TSPEAR: variants seen among roughly 807,000 people sequenced by gnomAD.
TSPEAR encodes thrombospondin-type laminin G domain and EAR repeat-containing protein.
In TSPEAR, 69 loss-of-function variants were observed where a neutral mutation model predicts 71.6. The ratio of observed to expected loss-of-function variants is 0.96; its 90% CI spans 0.79 to 1.18. The LOEUF is 1.18. TSPEAR is among the 50% of genes most tolerant of loss of function. The probability of loss-of-function intolerance (pLI) is 0.00; values close to 1 mark genes in which losing one functional copy is unlikely to be tolerated. For synonymous variants in TSPEAR, 402 were observed against 387.2 expected (o/e 1.04, Z -0.45); for missense variants, 971 against 894.9 (o/e 1.09, Z -1.09).
intron 1 of TSPEAR, chr21:44,627,851 C>A: frequency 6.2e-7 from 1 of 1,613,942 alleles, no homozygotes; most frequent in African/African-American, 1.3e-5. Flanking sequence ...TGCTGCAGAC[C>A]CTCCTCCTCT....
Position 44,649,169 on chromosome 21 carries a change from G to A in TSPEAR, c.82+62264C>T, listed in dbSNP as rs587613317. ...GACCGGGGGAGGGTGTCTGTAAGGC[G>A]AGGACATGGTTGGTGCATGCTCGTC... On this transcript the variant is annotated intron_variant, in intron 1 of 11. Transcript: ENST00000323084. Among the ~76,000 whole-genome samples the A allele has an allele frequency of 2.8e-4, 43 of 152,332 alleles. No individual in the cohort carries two copies. In the South Asian group the frequency reaches 7.5e-3, roughly 26 times the overall value.
chr21:44,638,487 C>G lies in TSPEAR; in HGVS notation c.83-70482G>C, dbSNP rs587708604. On this transcript the variant is annotated intron_variant, in intron 1 of 11. Transcript: ENST00000323084. ...TCCTGTCTGTGGACCCCCGGGGGGG[C>G]ACAGGGTGAGGTGGGAAGTGATGCC... The G allele has an allele frequency of 1.3e-3, 499 of 370,776 alleles. 7 individuals carry two copies. The highest frequency in any genetic ancestry group is 3.3e-3 in the Middle Eastern group (4 of 1,220). The allele number at this position is 370,776 out of a possible 1,614,324, so 23.0% of individuals were successfully genotyped here. A position where few individuals can be genotyped will look rare whatever the true frequency, so the allele number is the denominator to read the frequency against.
intron 9 of TSPEAR, chr21:44,517,638 A>C (rs782699206): frequency 3.0e-5 from 12 of 399,144 alleles, no homozygotes; most frequent in Non-Finnish European, 6.1e-5. Flanking sequence ...TCCTTGTCTG[A>C]CTTGATATGA....
chr21:44,518,516 T>G lies in TSPEAR; in HGVS notation c.1566+3367A>C, dbSNP rs115735266. 2,194 of 398,992 alleles carry G rather than the reference T, an allele frequency of 5.5e-3. 41 individuals are homozygous for G. The highest frequency in any genetic ancestry group is 0.042 in the African/African-American group (2,005 of 47,898). 24.7% of individuals were successfully genotyped at this position (398,992 alleles called of 1,614,324 possible). On this transcript the variant is annotated intron_variant, in intron 9 of 11. Transcript: ENST00000323084. ...GGATCCTTTCTCTTGTCACCTCACT[T>G]TGTGATTTAGAATGCAGGACCTCCA...
Position 44,528,572 on chromosome 21 carries a change from G to A in TSPEAR, c.802C>T (p.Arg268Ter), listed in dbSNP as rs782471965. 23 of 1,613,792 alleles carry A rather than the reference G, an allele frequency of 1.4e-5. No homozygotes were observed. The highest frequency in any genetic ancestry group is 1.6e-5 in the Non-Finnish European group (19 of 1,179,936). ...GGTGGCTGGGGTCCCAGCGTCACTC[G>A]AATGTTGGTTTCTGAGGGGAAGACC... ...VLKYPYETNIRVTLGPQPPCT... is the reference protein window; with the variant it reads ...VLKYPYETNI Residue 268 changes from arginine (R) to a stop codon, truncating the protein, a stop_gained, in exon 6 of 12, where the codon CGA (arginine) becomes TGA (stop). Coordinates refer to ENST00000323084, the MANE Select transcript of TSPEAR (RefSeq NM_144991.3). LOFTEE classifies it high-confidence loss of function.
intron 1 of TSPEAR, chr21:44,627,223 C>T (rs1982862102): frequency 6.2e-7 from 1 of 1,612,918 alleles, no homozygotes; most frequent in Admixed American, 1.7e-5. Flanking sequence ...CGACTCCTGG[C>T]AGGTGGACGA....
intron 1 of TSPEAR, among the ~76,000 whole-genome samples, chr21:44,609,881 A>T (rs1335157576): frequency 6.6e-6 from 1 of 152,206 alleles, no homozygotes; most frequent in Non-Finnish European, 1.5e-5. Flanking sequence ...GGAAGGGGGA[A>T]CTTTTCACGG....
rs201006587 is a variant in TSPEAR, at chr21:44,539,607, C to A, written c.304-5684G>T. On this transcript the variant is annotated intron_variant, in intron 2 of 11. Coordinates refer to ENST00000323084, the MANE Select transcript of TSPEAR (RefSeq NM_144991.3). ...TTGCAACGGACGGGCACGCAGCAGG[C>A]CTGCTGGCAGGGGGAGGAGGTGCAG... 9.7e-5 allele frequency: 157 copies of A among 1,612,792 alleles called. No individual in the cohort carries two copies. The African/African-American group carries it at 1.2e-3, about 13-fold the overall frequency.
intron 2 of TSPEAR, among the ~76,000 whole-genome samples, chr21:44,563,589 A>T (rs1381880788): frequency 2.0e-5 from 1 of 50,050 alleles, no homozygotes; most frequent in East Asian, 2.6e-4. Flanking sequence ...CAGTGGTGAC[A>T]AAAAAAACCC....
rs1555953303 is a variant in TSPEAR at position 44,710,142 on chromosome 21, G to T, written c.82+1291C>A. On this transcript the variant is annotated intron_variant, in intron 1 of 11. Coordinates refer to ENST00000323084, the MANE Select transcript of TSPEAR (RefSeq NM_144991.3). The surrounding 1 kb of genome is among the most constrained non-coding windows in gnomAD (Gnocchi z 4.6). ...GCCCCGGGGTCCTCGAGCAGGGGAG[G>T]GAGAAAGGCTGGCGCTGCGCCCTCC... is the stretch of plus-strand genomic sequence containing the variant. 6.6e-6 allele frequency among the ~76,000 whole-genome samples: 1 copy of T among 152,018 alleles called. No individual in the cohort carries two copies. The highest frequency in any genetic ancestry group is 1.5e-5 in the Non-Finnish European group (1 of 67,998).
chr21:44,675,284 T>C (rs1986256037), intron 1 of TSPEAR, among the ~76,000 whole-genome samples: 1 of 152,108 alleles, frequency 6.6e-6, no homozygotes, highest in Non-Finnish European at 1.5e-5. Context: ...CACAAATCAA[T>C]AAACATGATA....
At chr21:44,590,030 C>T (rs1979658326) in intron 1 of TSPEAR, among the ~76,000 whole-genome samples, 1 of 152,236 alleles carries the variant, frequency 6.6e-6, no homozygotes, top group Non-Finnish European at 1.5e-5. Flanking sequence ...TCAGTTTGGC[C>T]TCCGGCCCTG....
rs142037012 is a variant in TSPEAR, at chr21:44,568,852, C to T, written c.83-847G>A. On this transcript the variant is annotated intron_variant, in intron 1 of 11. Transcript: ENST00000323084. The stretch of plus-strand genomic sequence containing the variant: ...GTCTGGCAGTCTTGCTGAGGGGCCT[C>T]CTGCCTCAGCCTGGCATGAGGGTGT... Among the ~76,000 whole-genome samples the T allele has an allele frequency of 2.6e-3, 396 of 152,318 alleles. 3 individuals carry two copies. The highest frequency in any genetic ancestry group is 0.011 in the Admixed American group (170 of 15,310).
At chr21:44,589,972 C>A (rs973690140) in intron 1 of TSPEAR, among the ~76,000 whole-genome samples, 1 of 152,242 alleles carries the variant, frequency 6.6e-6, no homozygotes, top group Non-Finnish European at 1.5e-5. Flanking sequence ...CTCATTTGTC[C>A]CTTCATGGGG....
rs201787249 is a variant in TSPEAR, at chr21:44,660,155, T to C, written c.82+51278A>G. Among the ~76,000 whole-genome samples the C allele has an allele frequency of 3.9e-5, 6 of 152,284 alleles. No individual in the cohort carries two copies. The East Asian group carries it at 1.2e-3, about 29-fold the overall frequency. ...AACATCAAATCCTCATTTATGGATGTAATTGGAGTCCCTCAAAGAGAAGAA... is the reference window on the plus strand; with the variant it reads ...AACATCAAATCCTCATTTATGGATGCAATTGGAGTCCCTCAAAGAGAAGAA... On this transcript the variant is annotated intron_variant, in intron 1 of 11. Transcript: ENST00000323084.
At chr21:44,538,242 C>A (rs142385141) in intron 2 of TSPEAR, among the ~76,000 whole-genome samples, 1 of 152,148 alleles carries the variant, frequency 6.6e-6, no homozygotes, top group Non-Finnish European at 1.5e-5. Context: ...GAGCCCCATG[C>A]GCTGCCTGAT....
chr21:44,504,732 G>C, intron 11 of TSPEAR, 48 bp downstream of exon 11: 1 of 1,363,064 alleles, frequency 7.3e-7, no homozygotes, highest in South Asian at 1.2e-5. Flanking sequence ...TGAGCCCACA[G>C]TGGGGAAGCA....
In TSPEAR at chr21:44,519,024, TTTG is replaced by T. The variant is rs201744414; in HGVS notation, c.1566+2856_1566+2858del. The T allele has an allele frequency of 8.0e-3, 1,443 of 181,118 alleles. 13 individuals are homozygous for T. Among genetic ancestry groups the T allele is most frequent in the Non-Finnish European group, 1.0e-2 (850 of 85,340 alleles). 11.2% of individuals were successfully genotyped at this position (181,118 alleles called of 1,614,324 possible). A position where few individuals can be genotyped will look rare whatever the true frequency, so the allele number is the denominator to read the frequency against. On this transcript the variant is annotated intron_variant, in intron 9 of 11. Coordinates refer to ENST00000323084, the MANE Select transcript of TSPEAR (RefSeq NM_144991.3). ...TTGCTGCTCGATGTCACCATTTGCTTTTGTTGTTTTTTTTTTGTTTTTGAGATG... is the reference window on the plus strand; with the variant it reads ...TTGCTGCTCGATGTCACCATTTGCTTTTGTTTTTTTTTTGTTTTTGAGATG...
At position 44,618,295 on chromosome 21, in the gene TSPEAR, C is replaced by T. The variant is rs113444835; in HGVS notation, c.83-50290G>A. On this transcript the variant is annotated intron_variant, in intron 1 of 11. Transcript: ENST00000323084. ...TGCCACCATGTGAAGAAGGTCCTTG[C>T]TTCCCCATTGCCTTCCACCATGACT... 7.8e-3 allele frequency among the ~76,000 whole-genome samples: 1,188 copies of T among 152,320 alleles called. 11 individuals are homozygous for T. Among genetic ancestry groups the T allele is most frequent in the African/African-American group, 0.026 (1,079 of 41,566 alleles).
Sources: gnomAD v4.1 joint callset for allele counts (sites outside exome capture counted in the v4.1 genomes callset) on GRCh38, gnomAD v4.1.1 for gene constraint, Gnocchi (gnomAD v3.1) non-coding constraint, MANE v1.5 for transcripts, NCBI Gene and HGNC (gene_info 2026-07-23, HGNC 2026-07-21) for gene names.